Variants in ADCY1 observed in about 807,000 individuals in gnomAD.
ADCY1 encodes the protein adenylate cyclase type 1.
ADCY1 carries 28 observed loss-of-function variants against 105.4 expected under a neutral mutation model. That is an observed-to-expected ratio of 0.27 (90% CI 0.20 to 0.36). The LOEUF is 0.36. ADCY1 is among the 10% of genes least tolerant of loss of function. ADCY1 has a pLI of 1.00. For missense variants in ADCY1, 977 were observed against 1,434.2 expected (o/e 0.68, Z 5.15); for synonymous variants, 655 against 623.8 (o/e 1.05, Z -0.75).
intron 1 of ADCY1, among the ~76,000 whole-genome samples, chr7:45,584,535 G>A (rs572938965): frequency 6.6e-6 from 1 of 152,344 alleles, no homozygotes; most frequent in South Asian, 2.1e-4. Context: ...TCTCTGGCTG[G>A]CTCTTGCCCA....
intron 4 of ADCY1, among the ~76,000 whole-genome samples, chr7:45,643,817 G>A (rs929879332): frequency 1.3e-5 from 2 of 152,056 alleles, no homozygotes; most frequent in Admixed American, 1.3e-4. Flanking sequence ...TCTTTTTGAT[G>A]CTGGTAGTGC....
chr7:45,663,896 G>A (rs1325805669), intron 8 of ADCY1, among the ~76,000 whole-genome samples: 2 of 152,194 alleles, frequency 1.3e-5, no homozygotes, highest in Admixed American at 6.5e-5. Flanking sequence ...TGGGACCATA[G>A]CTATAGCATA....
intron 1 of ADCY1, among the ~76,000 whole-genome samples, chr7:45,585,406 C>T (rs369076225): frequency 3.3e-5 from 5 of 150,454 alleles, no homozygotes; most frequent in Admixed American, 6.6e-5. Flanking sequence ...GGTGGGATCT[C>T]GTCACTGGCA....
intron 4 of ADCY1, among the ~76,000 whole-genome samples, chr7:45,631,037 AAAAT>A (rs1794234201): frequency 6.6e-6 from 1 of 152,228 alleles, no homozygotes; most frequent in South Asian, 2.1e-4. Flanking sequence ...AATGGAAAGT[AAAAT>A]AATAAAAGGT....
Position 45,713,700 on chromosome 7 carries a change from A to G in ADCY1, c.3065A>G (p.Glu1022Gly). ...ACTTCTCTCCATCAACAGGTGACTG[A>G]GGAAGTCCACCGGCTGCTGAGAAGG... ...TGVQGRIQVTEEVHRLLRRCP... is the reference protein window; with the variant it reads ...TGVQGRIQVTGEVHRLLRRCP... Residue 1022 changes from glutamate (E) to glycine (G), a missense_variant, in exon 20 of 20, where the codon GAG (glutamate) becomes GGG (glycine). This residue lies in a region of ADCY1 where 78 missense variants were observed against 60.0 expected (regional missense o/e 1.30). Coordinates refer to ENST00000297323, the MANE Select transcript of ADCY1 (RefSeq NM_021116.4). The G allele has an allele frequency of 1.3e-6, 1 of 779,914 alleles. No homozygotes were observed. Among genetic ancestry groups the G allele is most frequent in the Non-Finnish European group, 2.4e-6 (1 of 417,686 alleles). 48.3% of individuals were successfully genotyped at this position (779,914 alleles called of 1,614,324 possible). A position where few individuals can be genotyped will look rare whatever the true frequency, so the allele number is the denominator to read the frequency against.
rs1241452720 is a variant in ADCY1, at chr7:45,674,473, C to T, written c.1606-3396C>T. 4.6e-5 allele frequency among the ~76,000 whole-genome samples: 7 copies of T among 152,228 alleles called. No homozygotes were observed. In the East Asian group the frequency reaches 5.8e-4, roughly 13 times the overall value. On this transcript the variant is annotated intron_variant, in intron 8 of 19. Coordinates refer to ENST00000297323, the MANE Select transcript of ADCY1 (RefSeq NM_021116.4). The stretch of plus-strand genomic sequence containing the variant: ...CACTGCAACCTCTGCCTCCTGGGTT[C>T]GAGCAATTCTCTGCCTCACCCTCTC...
At chr7:45,694,115 T>TAA (rs140981457) in intron 14 of ADCY1, among the ~76,000 whole-genome samples, 89 of 115,430 alleles carry the variant, frequency 7.7e-4, no homozygotes, top group African/African-American at 1.1e-3. Flanking sequence ...TAGAGTATAA[T>TAA]AAAAAAAAAA....
At chr7:45,642,198 C>T (rs1057134034) in intron 4 of ADCY1, among the ~76,000 whole-genome samples, 4 of 152,050 alleles carry the variant, frequency 2.6e-5, no homozygotes, top group African/African-American at 9.7e-5. Flanking sequence ...TGGCCTTGAG[C>T]CTTCATTGTG....
rs575762953 is a variant in ADCY1 at position 45,609,620 on chromosome 7, C to T, written c.790-759C>T. ...GCATGGGAGGGACTGAGGGATGAGT[C>T]GGGGACCCTCACACCACATTTCTGG... On this transcript the variant is annotated intron_variant, in intron 2 of 19. Coordinates refer to ENST00000297323, the MANE Select transcript of ADCY1 (RefSeq NM_021116.4). Among the ~76,000 whole-genome samples the T allele has an allele frequency of 1.8e-4, 28 of 152,168 alleles. 1 individual carries two copies. The South Asian group carries it at 5.0e-3, about 27-fold the overall frequency.
chr7:45,680,662 T>C (rs1213212715), intron 11 of ADCY1: 1 of 152,280 alleles, frequency 6.6e-6, no homozygotes, highest in Non-Finnish European at 1.5e-5. Flanking sequence ...CATTCCTATT[T>C]CTTTGACTTG....
At chr7:45,651,708 C>T (rs541800258) in intron 5 of ADCY1, among the ~76,000 whole-genome samples, 177 of 152,300 alleles carry the variant, frequency 1.2e-3, no homozygotes, top group Non-Finnish European at 2.1e-3. Flanking sequence ...TCCAAAGGAG[C>T]GGGCCATGCC....
intron 14 of ADCY1, among the ~76,000 whole-genome samples, chr7:45,701,277 C>T (rs1447941751): frequency 6.6e-6 from 1 of 152,044 alleles, no homozygotes; most frequent in Non-Finnish European, 1.5e-5. Context: ...GAAAGACAGA[C>T]GTTTCTCAGT....
At chr7:45,655,873 T>G (rs10254640) in intron 5 of ADCY1, among the ~76,000 whole-genome samples, 27,275 of 152,096 alleles carry the variant, frequency 0.18, 3,177 homozygotes, top group Non-Finnish European at 0.25. Flanking sequence ...TATGTTATGT[T>G]ATTTACATTT....
At chr7:45,689,903 A>T (rs905850895) in intron 14 of ADCY1, among the ~76,000 whole-genome samples, 2 of 152,228 alleles carry the variant, frequency 1.3e-5, no homozygotes, top group Non-Finnish European at 2.9e-5. Context: ...TGGCAGAAAG[A>T]GGGAATTCTT....
At chr7:45,577,262 A>G (rs753373655) in intron 1 of ADCY1, among the ~76,000 whole-genome samples, 9 of 152,174 alleles carry the variant, frequency 5.9e-5, no homozygotes, top group Non-Finnish European at 1.0e-4. Context: ...AACACTTCCT[A>G]TTGGAAAAGC....
At chr7:45,691,376 G>A (rs1784784705) in intron 14 of ADCY1, among the ~76,000 whole-genome samples, 1 of 152,228 alleles carries the variant, frequency 6.6e-6, no homozygotes, top group Admixed American at 6.5e-5. Context: ...CGTAACCCTA[G>A]CAAAACACAG....
At chr7:45,579,064 A>C (rs956937917) in intron 1 of ADCY1, among the ~76,000 whole-genome samples, 3 of 152,158 alleles carry the variant, frequency 2.0e-5, no homozygotes, top group Admixed American at 2.0e-4. Context: ...GTGCAGCCCC[A>C]GTTATGTCTG....
intron 3 of ADCY1, among the ~76,000 whole-genome samples, chr7:45,615,928 T>C (rs1188964525): frequency 6.6e-6 from 1 of 152,098 alleles, no homozygotes; most frequent in East Asian, 1.9e-4. Context: ...TGTGAAACAT[T>C]AAATAAGATT....
chr7:45,579,763 C>A lies in ADCY1; in HGVS notation c.639+4581C>A, dbSNP rs114564186. On this transcript the variant is annotated intron_variant, in intron 1 of 19. Transcript: ENST00000297323. Reference sequence around the variant, plus strand: ...GGTAGTCTCCTTGTCCTTGGCTGGACACTCTTCCTGAGGTCAGTTTTGCTG... The same window carrying A: ...GGTAGTCTCCTTGTCCTTGGCTGGAAACTCTTCCTGAGGTCAGTTTTGCTG... Among the ~76,000 whole-genome samples the A allele has an allele frequency of 1.7e-3, 264 of 152,310 alleles. 1 individual carries two copies. The highest frequency in any genetic ancestry group is 5.5e-3 in the African/African-American group (227 of 41,554).
Sources: allele counts gnomAD v4.1 joint callset (sites outside exome capture counted in the v4.1 genomes callset), GRCh38; gene constraint gnomAD v4.1.1; regional missense constraint gnomAD v4.1.1; transcripts MANE v1.5; gene names NCBI Gene and HGNC (gene_info 2026-07-23, HGNC 2026-07-21).